Variants in EYA1 observed in about 807,000 individuals in gnomAD.
EYA1 encodes EYA transcriptional coactivator and phosphatase 1.
EYA1 carries 16 observed loss-of-function variants against 82.0 expected under a neutral mutation model. That is an observed-to-expected ratio of 0.20 (90% CI 0.13 to 0.30). EYA1 has a LOEUF of 0.30. Among genes scored for constraint, EYA1 ranks in the 10% least tolerant of loss-of-function variants. The probability of loss-of-function intolerance (pLI) is 1.00; values close to 1 mark genes in which losing one functional copy is unlikely to be tolerated. For missense variants in EYA1, 633 were observed against 730.7 expected (o/e 0.87, Z 1.54); for synonymous variants, 261 against 264.4 (o/e 0.99, Z 0.12).
At chr8:71,444,957 T>C (rs891454322) in intron 2 of EYA1, among the ~76,000 whole-genome samples, 9 of 152,220 alleles carry the variant, frequency 5.9e-5, no homozygotes, top group African/African-American at 2.2e-4. Context: ...GAGATGTTAA[T>C]TCAAACCATG....
chr8:71,332,712 G>A (rs1434359155), intron 4 of EYA1, among the ~76,000 whole-genome samples: 8 of 152,058 alleles, frequency 5.3e-5, no homozygotes, highest in Admixed American at 5.2e-4. Flanking sequence ...ATTGCACACA[G>A]GAGAAAACAC....
intron 11 of EYA1, among the ~76,000 whole-genome samples, chr8:71,245,373 C>G (rs1172236798): frequency 6.6e-6 from 1 of 151,686 alleles, no homozygotes; most frequent in African/African-American, 2.4e-5. Flanking sequence ...ACTACAGGCG[C>G]GCACCAACAC....
intron 9 of EYA1, among the ~76,000 whole-genome samples, chr8:71,288,508 G>A (rs776800193): frequency 1.4e-4 from 22 of 152,144 alleles, no homozygotes; most frequent in Non-Finnish European, 2.8e-4. Context: ...TATTCAGTAA[G>A]GTGAAGGTCT....
At chr8:71,267,122 A>C (rs778338356) in intron 11 of EYA1, among the ~76,000 whole-genome samples, 7 of 152,134 alleles carry the variant, frequency 4.6e-5, no homozygotes, top group Admixed American at 2.0e-4. Flanking sequence ...AGATCTTCTC[A>C]TCTCCTCCAT....
chr8:71,383,623 T>C (rs564280436), intron 2 of EYA1, among the ~76,000 whole-genome samples: 2 of 152,218 alleles, frequency 1.3e-5, no homozygotes, highest in Middle Eastern at 3.4e-3. Flanking sequence ...AGGTTACTTT[T>C]TGCCTAAGTT....
At chr8:71,465,117 T>C (rs1808681440) in intron 2 of EYA1, among the ~76,000 whole-genome samples, 1 of 152,228 alleles carries the variant, frequency 6.6e-6, no homozygotes, top group Non-Finnish European at 1.5e-5. Context: ...TTTCACTAAA[T>C]GATACTTTAT....
Position 71,523,173 on chromosome 8 carries a change from C to CTTTTTTTTTTTTTTTTTTTTTTT in EYA1, c.33+12570_33+12571insAAAAAAAAAAAAAAAAAAAAAAA, listed in dbSNP as rs201950125. 4.0e-4 allele frequency among the ~76,000 whole-genome samples: 44 copies of CTTTTTTTTTTTTTTTTTTTTTTT among 110,848 alleles called. 2 individuals carry two copies. Among genetic ancestry groups the CTTTTTTTTTTTTTTTTTTTTTTT allele is most frequent in the East Asian group, 2.1e-3 (6 of 2,896 alleles). The allele number at this position is 110,848 out of a possible 152,430, so 72.7% of individuals were successfully genotyped here. On this transcript the variant is annotated intron_variant, in intron 2 of 18. Coordinates refer to the EYA1 transcript ENST00000643681. Reference sequence around the variant, plus strand: ...TTCAGCTCTTTTTCTTTTCTTTTTTCTTTTTCTTTTTTTTTTTTTTTTTGA... The same window carrying CTTTTTTTTTTTTTTTTTTTTTTT: ...TTCAGCTCTTTTTCTTTTCTTTTTTCTTTTTTTTTTTTTTTTTTTTTTTTTTTTCTTTTTTTTTTTTTTTTTGA...
At chr8:71,429,168 T>C (rs969396854) in intron 2 of EYA1, among the ~76,000 whole-genome samples, 1 of 152,338 alleles carries the variant, frequency 6.6e-6, no homozygotes, top group Non-Finnish European at 1.5e-5. Context: ...AACATGACCT[T>C]TGTTTTCTTA....
In EYA1 at chr8:71,269,796, T is replaced by C; in HGVS notation, c.994A>G (p.Thr332Ala). 6.2e-7 allele frequency: 1 copy of C among 1,613,766 alleles called. No individual in the cohort carries two copies. Among genetic ancestry groups the C allele is most frequent in the Non-Finnish European group, 8.5e-7 (1 of 1,179,740 alleles). Residue 332 changes from threonine (T) to alanine (A), a missense_variant, in exon 11 of 18, where the codon ACA (threonine) becomes GCA (alanine). Thr to Ala is a moderately conservative substitution (Grantham distance 58). Coordinates refer to ENST00000340726, the MANE Select transcript of EYA1 (RefSeq NM_000503.6). ...AGCAAGGAGTGGAAAACAATGATTG[T>C]CTCATCCAAGTCCCAGATGAACACT... is the stretch of plus-strand genomic sequence containing the variant. ...ERVFIWDLDE[T>A]IIVFHSLLTG...
chr8:71,335,068 C>G (rs1824328709), intron 3 of EYA1, among the ~76,000 whole-genome samples: 1 of 152,198 alleles, frequency 6.6e-6, no homozygotes, highest in African/African-American at 2.4e-5. Flanking sequence ...TTAGAAACTA[C>G]TGGTGAAGTG....
intron 11 of EYA1, among the ~76,000 whole-genome samples, chr8:71,260,967 T>A (rs375492352): frequency 3.3e-5 from 5 of 152,124 alleles, no homozygotes; most frequent in African/African-American, 1.2e-4. Flanking sequence ...GAATGTCATT[T>A]AAAAATTCTC....
At chr8:71,474,371 G>A (rs139415610) in intron 2 of EYA1, among the ~76,000 whole-genome samples, 83 of 152,124 alleles carry the variant, frequency 5.5e-4, no homozygotes, top group African/African-American at 1.9e-3. Flanking sequence ...GGACTGAATG[G>A]AACATAAAAC....
intron 2 of EYA1, among the ~76,000 whole-genome samples, chr8:71,382,684 A>T (rs1003101038): frequency 3.3e-5 from 5 of 152,124 alleles, no homozygotes; most frequent in African/African-American, 1.2e-4. Context: ...GCACAAAGAA[A>T]ACAAAATTAT....
chr8:71,244,484 C>T (rs1812838741), intron 12 of EYA1, 119 bp downstream of exon 12: 2 of 645,266 alleles, frequency 3.1e-6, no homozygotes, highest in East Asian at 3.0e-5. Context: ...GCCATATTAC[C>T]AACAAACCTC....
chr8:71,431,372 C>T (rs544630751), intron 2 of EYA1, among the ~76,000 whole-genome samples: 2 of 152,130 alleles, frequency 1.3e-5, no homozygotes, highest in African/African-American at 4.8e-5. Context: ...TTTTGCTTTC[C>T]TTTTGCCACC....
chr8:71,452,770 C>A (rs532527309), intron 2 of EYA1, among the ~76,000 whole-genome samples: 1 of 152,052 alleles, frequency 6.6e-6, no homozygotes, highest in African/African-American at 2.4e-5. Flanking sequence ...CCAATTTGCA[C>A]GTCACCATCA....
intron 7 of EYA1, among the ~76,000 whole-genome samples, chr8:71,306,819 A>G: frequency 6.6e-6 from 1 of 152,178 alleles, no homozygotes; most frequent in East Asian, 1.9e-4. Flanking sequence ...TGACCTCTCC[A>G]TTAGACCAGT....
intron 9 of EYA1, among the ~76,000 whole-genome samples, chr8:71,276,617 A>T (rs1392348844): frequency 6.6e-6 from 1 of 152,196 alleles, no homozygotes; most frequent in Non-Finnish European, 1.5e-5. Context: ...CTCTAAGTTG[A>T]GGCTCTCATT....
intron 12 of EYA1, among the ~76,000 whole-genome samples, chr8:71,236,092 G>A (rs886765348): frequency 2.0e-5 from 3 of 152,122 alleles, no homozygotes; most frequent in Non-Finnish European, 4.4e-5. Context: ...TCAGGCTGGA[G>A]TGCAGTGGCA....
Sources: allele counts gnomAD v4.1 joint callset (sites outside exome capture counted in the v4.1 genomes callset), GRCh38; gene constraint gnomAD v4.1.1; transcripts MANE v1.5; gene names NCBI Gene and HGNC (gene_info 2026-07-23, HGNC 2026-07-21).